HFM1: variants seen among roughly 807,000 people sequenced by gnomAD.
HFM1 encodes the protein probable ATP-dependent DNA helicase HFM1.
Under a neutral mutation model 192.1 loss-of-function variants are expected in HFM1, and 169 were observed. That is an observed-to-expected ratio of 0.88 (90% CI 0.78 to 1.00). The LOEUF is 1.00. HFM1 is among the 50% of genes least tolerant of loss of function. The pLI is 0.00. For missense variants in HFM1, 1,661 were observed against 1,668.0 expected, an observed-to-expected ratio of 1.00 and a Z score of 0.07; for synonymous variants, 525 against 537.8, an observed-to-expected ratio of 0.98 and a Z score of 0.33.
At chr1:91,344,369 G>C (rs1426672821) in intron 19 of HFM1, among the ~76,000 whole-genome samples, 4 of 152,192 alleles carry the variant, frequency 2.6e-5, no homozygotes, top group Non-Finnish European at 5.9e-5. Flanking sequence ...TAGACAGCTT[G>C]ATAGTGTTAA....
At chr1:91,262,436 C>T (rs1395857170) in intron 37 of HFM1, 44 bp from the exon 38 acceptor site, 2 of 1,577,046 alleles carry the variant, frequency 1.3e-6, no homozygotes, top group East Asian at 4.5e-5. Flanking sequence ...AGTTTAAGCA[C>T]TCGGGCAAAA....
intron 7 of HFM1, 80 bp from the exon 8 acceptor site, chr1:91,380,316 A>T: frequency 1.1e-6 from 1 of 885,066 alleles, no homozygotes; most frequent in Non-Finnish European, 1.6e-6. Flanking sequence ...AAAAAGTCTT[A>T]GTAAGAATCT....
Position 91,351,643 on chromosome 1 carries a change from A to G in HFM1, c.1978T>C (p.Phe660Leu). The G allele has an allele frequency of 6.4e-7, 1 of 1,564,582 alleles. No homozygotes were observed. Among genetic ancestry groups the G allele is most frequent in the Non-Finnish European group, 8.7e-7 (1 of 1,144,072 alleles). The change falls in exon 17 of 39, where the codon TTT becomes CTT. Residue 660 changes from phenylalanine to leucine, a missense_variant and splice_region_variant. By Grantham distance (22) the Phe-to-Leu change is conservative. Transcript: ENST00000370425. ...QMIGRAGRPQFDTTATAVIMT... is the reference protein window; with the variant it reads ...QMIGRAGRPQLDTTATAVIMT... Reference sequence around the variant, plus strand: ...ATAACTGCAGTAGCTGTAGTGTCAAACTGGGGAGAAAACAAACAGAAATTT... The same window carrying G: ...ATAACTGCAGTAGCTGTAGTGTCAAGCTGGGGAGAAAACAAACAGAAATTT...
chr1:91,328,115 A>G (rs1653197753), intron 20 of HFM1, among the ~76,000 whole-genome samples: 1 of 152,218 alleles, frequency 6.6e-6, no homozygotes, highest in African/African-American at 2.4e-5. Context: ...GAAATAATAA[A>G]TGTCAGAGCA....
chr1:91,363,830 A>G (rs1432454786), intron 13 of HFM1, among the ~76,000 whole-genome samples: 1 of 152,220 alleles, frequency 6.6e-6, no homozygotes, highest in Non-Finnish European at 1.5e-5. Flanking sequence ...TGTGGCACAT[A>G]TATACTCTGG....
At chr1:91,350,186 C>T (rs1656740158) in intron 18 of HFM1, among the ~76,000 whole-genome samples, 1 of 152,038 alleles carries the variant, frequency 6.6e-6, no homozygotes, top group African/African-American at 2.4e-5. Context: ...AACCTCTGTA[C>T]ATTAGAATGA....
chr1:91,377,229 T>C (rs536943440), intron 11 of HFM1, among the ~76,000 whole-genome samples: 145 of 152,066 alleles, frequency 9.5e-4, no homozygotes, highest in Non-Finnish European at 1.7e-3. Context: ...AATTTTTCTA[T>C]ATTATTCTTG....
At chr1:91,298,365 C>G (rs980379716) in intron 30 of HFM1, among the ~76,000 whole-genome samples, 5 of 152,196 alleles carry the variant, frequency 3.3e-5, no homozygotes, top group Non-Finnish European at 7.3e-5. Flanking sequence ...AAACGCTCTG[C>G]AGGATATTAT....
chr1:91,277,988 T>A lies in HFM1; in HGVS notation c.3392-926A>T, dbSNP rs574469200. ...TTATATACATTATATTATATATATA[T>A]AAAATAGGGCCAAATATGGCCACAT... is the stretch of plus-strand genomic sequence containing the variant. On this transcript the variant is annotated intron_variant, in intron 30 of 38. Coordinates refer to ENST00000370425, the MANE Select transcript of HFM1 (RefSeq NM_001017975.6). Among the ~76,000 whole-genome samples, 224 of 142,506 alleles carry A rather than the reference T, an allele frequency of 1.6e-3. 1 individual carries two copies. Among genetic ancestry groups the A allele is most frequent in the African/African-American group, 5.5e-3 (213 of 38,804 alleles). The allele number at this position is 142,506 out of a possible 152,430, so 93.5% of individuals were successfully genotyped here.
upstream of HFM1, among the ~76,000 whole-genome samples, chr1:91,406,128 C>G (rs547219613): frequency 5.9e-5 from 9 of 152,320 alleles, 1 homozygote; most frequent in South Asian, 1.9e-3. Flanking sequence ...CGCTCTTTTC[C>G]TACCATGTGA....
intron 1 of HFM1, among the ~76,000 whole-genome samples, chr1:91,401,537 T>C (rs1439134948): frequency 1.3e-5 from 2 of 152,242 alleles, no homozygotes; most frequent in Admixed American, 6.5e-5. Context: ...CATTTTATTG[T>C]GAATGTGTGC....
intron 23 of HFM1, among the ~76,000 whole-genome samples, 157 bp from the exon 24 acceptor site, chr1:91,319,547 TA>T (rs1230032156): frequency 8.1e-4 from 124 of 152,300 alleles, no homozygotes; most frequent in African/African-American, 2.9e-3. Flanking sequence ...TGCAGGTCAA[TA>T]ATAAAAGTTC....
chr1:91,277,211 A>ATT, intron 30 of HFM1, 149 bp from the exon 31 acceptor site: 2 of 429,942 alleles, frequency 4.7e-6, no homozygotes, highest in Non-Finnish European at 4.0e-6. Context: ...AATCCACGTA[A>ATT]TTTTTTTTTT....
chr1:91,394,552 G>T, intron 3 of HFM1, 150 bp from the exon 4 acceptor site: 1 of 549,560 alleles, frequency 1.8e-6, no homozygotes, highest in Non-Finnish European at 3.2e-6. Flanking sequence ...TACCATATAC[G>T]GTTTTAAAAT....
At chr1:91,337,580 T>C (rs547473639) in intron 20 of HFM1, among the ~76,000 whole-genome samples, 2 of 152,330 alleles carry the variant, frequency 1.3e-5, no homozygotes, top group South Asian at 4.1e-4. Flanking sequence ...CACAATTTGA[T>C]GGGGAAGCTC....
chr1:91,375,517 C>T lies in HFM1; in HGVS notation c.1596+10G>A. The T allele has an allele frequency of 6.2e-7, 1 of 1,611,782 alleles. No individual in the cohort carries two copies. Among genetic ancestry groups the T allele is most frequent in the Non-Finnish European group, 8.5e-7 (1 of 1,178,216 alleles). ...AATATACTAAAAAATAAGCTATCAA[C>T]AATCCATACCACAAGTGTGGGTTTC... On this transcript the variant is annotated intron_variant, in intron 12 of 38. Transcript: ENST00000370425.
At chr1:91,310,069 C>T (rs1001164305) in intron 30 of HFM1, among the ~76,000 whole-genome samples, 2 of 151,744 alleles carry the variant, frequency 1.3e-5, no homozygotes, top group African/African-American at 4.8e-5. Flanking sequence ...CTCAAAAGGA[C>T]TCAGGAGTTA....
intron 30 of HFM1, among the ~76,000 whole-genome samples, chr1:91,299,673 C>T (rs1474435737): frequency 2.6e-5 from 4 of 152,166 alleles, no homozygotes; most frequent in Non-Finnish European, 5.9e-5. Flanking sequence ...ACATCCTGCT[C>T]CTGAATGACT....
In HFM1 at chr1:91,385,858, A is replaced by G; in HGVS notation, c.495-24T>C. The stretch of plus-strand genomic sequence containing the variant: ...ATCTGCAAACAAAAAAAAGACCCAC[A>G]TATTTTCTCACGTGTAACACTTGCT... On this transcript the variant is annotated intron_variant, in intron 4 of 38. Coordinates refer to ENST00000370425, the MANE Select transcript of HFM1 (RefSeq NM_001017975.6). 6 of 1,573,120 alleles carry G rather than the reference A, an allele frequency of 3.8e-6. No homozygotes were observed. The East Asian group carries it at 1.1e-4, about 29-fold the overall frequency.
Sources: gnomAD v4.1 joint callset for allele counts (sites outside exome capture counted in the v4.1 genomes callset) on GRCh38, gnomAD v4.1.1 for gene constraint, MANE v1.5 for transcripts, NCBI Gene and HGNC (gene_info 2026-07-23, HGNC 2026-07-21) for gene names.